MTPN: variants seen among roughly 807,000 people sequenced by gnomAD.
MTPN encodes the protein granule cell differentiation protein.
In MTPN, 2 loss-of-function variants were observed where a neutral mutation model predicts 13.5. That is an observed-to-expected ratio of 0.15 (90% confidence interval 0.06 to 0.47). MTPN has a LOEUF of 0.47. Among genes scored for constraint, MTPN ranks in the 20% least tolerant of loss-of-function variants. The pLI is 0.97. For missense variants in MTPN, 79 were observed against 137.9 expected, an observed-to-expected ratio of 0.57 and a Z score of 2.14; for synonymous variants, 46 against 51.7, an observed-to-expected ratio of 0.89 and a Z score of 0.48.
Position 135,951,541 on chromosome 7 carries a change from C to G in MTPN, c.162G>C (p.Leu54=). The G allele has an allele frequency of 6.2e-7, 1 of 1,613,010 alleles. No individual in the cohort carries two copies. The highest frequency in any genetic ancestry group is 8.5e-7 in the Non-Finnish European group (1 of 1,179,368). Residue 54 remains leucine (L), a synonymous_variant, in exon 2 of 4, where the codon CTG becomes CTC. Coordinates refer to ENST00000393085, the MANE Select transcript of MTPN (RefSeq NM_145808.4). ...CATTAATATCTGCTCCTTTCAGCAG[C>G]AGAAATTCCAGGATTTCAAGCTGCC... is the stretch of plus-strand genomic sequence containing the variant. ...DCGQLEILEF[L]LLKGADINAP...
At chr7:135,967,990 C>T (rs1562936815) in intron 1 of MTPN, among the ~76,000 whole-genome samples, 1 of 152,110 alleles carries the variant, frequency 6.6e-6, no homozygotes, top group Non-Finnish European at 1.5e-5. Context: ...GGAAGTCTTG[C>T]TATGTTGCCC....
Position 135,927,347 on chromosome 7 carries a change from A to T in MTPN, c.*2579T>A. The T allele has an allele frequency of 6.4e-7, 1 of 1,551,386 alleles. No individual in the cohort carries two copies. Among genetic ancestry groups the T allele is most frequent in the Non-Finnish European group, 8.7e-7 (1 of 1,146,782 alleles). On this transcript the variant is annotated 3_prime_UTR_variant, in exon 4 of 4. Transcript: ENST00000393085. ...CTGTATTTGAACGATAAGCCTATAG[A>T]TAACAGTCTGAAGCTGCAAGGGAGA...
At position 135,950,695 on chromosome 7, in the gene MTPN, A is replaced by G; in HGVS notation, c.187-13T>C. The stretch of plus-strand genomic sequence containing the variant: ...GTTTATCTGGAGCCTATGAAATAAT[A>G]AACAGAGATAACTTTATCTGTTTTT... On this transcript the variant is annotated splice_polypyrimidine_tract_variant and intron_variant, in intron 2 of 3. Transcript: ENST00000393085. The G allele has an allele frequency of 6.4e-7, 1 of 1,570,244 alleles. No homozygotes were observed. Among genetic ancestry groups the G allele is most frequent in the Non-Finnish European group, 8.7e-7 (1 of 1,144,984 alleles).
In MTPN at chr7:135,927,345, A is replaced by G. The variant is rs1798936054; in HGVS notation, c.*2581T>C. ...TGCTGTATTTGAACGATAAGCCTAT[A>G]GATAACAGTCTGAAGCTGCAAGGGA... On this transcript the variant is annotated 3_prime_UTR_variant, in exon 4 of 4. Coordinates refer to ENST00000393085, the MANE Select transcript of MTPN (RefSeq NM_145808.4). 1 of 1,551,278 alleles carries G rather than the reference A, an allele frequency of 6.4e-7. No individual in the cohort carries two copies. Among genetic ancestry groups the G allele is most frequent in the African/African-American group, 1.4e-5 (1 of 73,056 alleles).
At chr7:135,946,224 A>C (rs1164651177) in intron 3 of MTPN, among the ~76,000 whole-genome samples, 5 of 152,206 alleles carry the variant, frequency 3.3e-5, no homozygotes, top group Non-Finnish European at 7.3e-5. Flanking sequence ...TCAAGTGTTT[A>C]AGATTTTAAT....
At chr7:135,935,780 T>G (rs1417969940) in intron 3 of MTPN, among the ~76,000 whole-genome samples, 2 of 152,164 alleles carry the variant, frequency 1.3e-5, no homozygotes, top group African/African-American at 4.8e-5. Flanking sequence ...TACTGTACTC[T>G]AATACATCAT....
intron 1 of MTPN, among the ~76,000 whole-genome samples, chr7:135,966,391 G>A (rs1799605278): frequency 6.6e-6 from 1 of 152,060 alleles, no homozygotes; most frequent in Non-Finnish European, 1.5e-5. Context: ...GGCTGACTGG[G>A]AGCTGCGACT....
intron 1 of MTPN, among the ~76,000 whole-genome samples, chr7:135,972,435 G>A (rs1799712005): frequency 6.6e-6 from 1 of 152,186 alleles, no homozygotes; most frequent in African/African-American, 2.4e-5. Flanking sequence ...AAAACATCTT[G>A]CAGAGTGCTT....
At chr7:135,954,109 G>A (rs1440744204) in intron 1 of MTPN, among the ~76,000 whole-genome samples, 2 of 152,100 alleles carry the variant, frequency 1.3e-5, no homozygotes, top group South Asian at 2.1e-4. Flanking sequence ...TTCCTTATCC[G>A]TAAAATGGGA....
At chr7:135,971,900 G>C (rs1393476658) in intron 1 of MTPN, among the ~76,000 whole-genome samples, 2 of 152,188 alleles carry the variant, frequency 1.3e-5, no homozygotes, top group African/African-American at 4.8e-5. Context: ...TATAAGGTTA[G>C]ATTATATGTG....
At chr7:135,947,209 T>G (rs1450794800) in intron 3 of MTPN, among the ~76,000 whole-genome samples, 4 of 152,204 alleles carry the variant, frequency 2.6e-5, no homozygotes, top group African/African-American at 7.2e-5. Flanking sequence ...TGGGTTTAAT[T>G]TGCTTCTTCC....
intron 3 of MTPN, among the ~76,000 whole-genome samples, chr7:135,935,467 C>T (rs190388553): frequency 2.0e-5 from 3 of 152,284 alleles, no homozygotes; most frequent in East Asian, 3.9e-4. Flanking sequence ...GCCTCGATCT[C>T]CTGACCTTGT....
At chr7:135,959,841 GT>G (rs1006703949) in intron 1 of MTPN, among the ~76,000 whole-genome samples, 1 of 151,172 alleles carries the variant, frequency 6.6e-6, no homozygotes, top group Admixed American at 6.6e-5. Context: ...TGGAACATCT[GT>G]TTTTTTAAGA....
chr7:135,969,736 T>C (rs983492557), intron 1 of MTPN, among the ~76,000 whole-genome samples: 6 of 152,052 alleles, frequency 3.9e-5, no homozygotes, highest in African/African-American at 1.2e-4. Context: ...AAGACCATTG[T>C]AGAATAAGAA....
chr7:135,963,759 A>G (rs950649524), intron 1 of MTPN, among the ~76,000 whole-genome samples: 1 of 152,042 alleles, frequency 6.6e-6, no homozygotes, highest in African/African-American at 2.4e-5. Context: ...TCCCACCTAT[A>G]CATTTACTTG....
chr7:135,930,061 AG>A (rs1562927556), intron 3 of MTPN, 49 bp from the exon 4 acceptor site: 1 of 1,502,138 alleles, frequency 6.7e-7, no homozygotes, highest in Admixed American at 1.7e-5. Context: ...AACTGGGGGA[AG>A]GGAATGTAAG....
At chr7:135,932,463 A>G (rs1799038270) in intron 3 of MTPN, 1 of 152,076 alleles carries the variant, frequency 6.6e-6, no homozygotes, top group Non-Finnish European at 1.5e-5. Context: ...TAGATAAAAT[A>G]TTTTTAAAAT....
At chr7:135,933,069 T>C (rs1402819831) in intron 3 of MTPN, among the ~76,000 whole-genome samples, 1 of 130,284 alleles carries the variant, frequency 7.7e-6, no homozygotes, top group Non-Finnish European at 1.5e-5. Context: ...CACTCCAGCT[T>C]GGGCAACTGA....
intron 1 of MTPN, among the ~76,000 whole-genome samples, chr7:135,976,328 G>C (rs542941045): frequency 2.0e-5 from 3 of 152,300 alleles, no homozygotes; most frequent in Middle Eastern, 3.4e-3. Context: ...GGTGAAATCA[G>C]GGAGAAGAAT....
Sources: allele counts gnomAD v4.1 joint callset (sites outside exome capture counted in the v4.1 genomes callset), GRCh38; gene constraint gnomAD v4.1.1; transcripts MANE v1.5; gene names NCBI Gene and HGNC (gene_info 2026-07-23, HGNC 2026-07-21).